The following KIF26B variants were observed in gnomAD, a reference collection of about 807,000 sequenced individuals.
KIF26B encodes kinesin family member 26B.
Under a neutral mutation model 151.2 loss-of-function variants are expected in KIF26B, and 63 were observed. The observed-to-expected ratio is 0.42, with a 90% CI of 0.34 to 0.51. The LOEUF (loss-of-function observed/expected upper bound fraction) is 0.51, where lower values mean the gene tolerates loss of function less well. Ranked by LOEUF, KIF26B falls within the 20% of genes least tolerant of loss-of-function variation. KIF26B has a pLI of 0.07. For synonymous variants in KIF26B, 1,357 were observed against 1,262.1 expected (o/e 1.08, Z -1.59); for missense variants, 2,813 against 2,913.6 (o/e 0.97, Z 0.79).
chr1:245,464,384 T>G (rs901564931), intron 4 of KIF26B, among the ~76,000 whole-genome samples: 12 of 147,970 alleles, frequency 8.1e-5, no homozygotes, highest in African/African-American at 2.8e-4. Context: ...TGTGTGTAGG[T>G]GTGTGTGTGT....
rs191987745 is a variant in KIF26B, at chr1:245,176,268, G to C, written c.465+19585G>C. Among the ~76,000 whole-genome samples, 610 of 150,488 alleles carry C rather than the reference G, an allele frequency of 4.1e-3. 3 individuals carry two copies. The highest frequency in any genetic ancestry group is 0.015 in the African/African-American group (591 of 40,410). Reference sequence around the variant, plus strand: ...CCTGCCTCAGCCTCCCAAAGTGCTGGGATTACAGGCGTGAGCCTTGTAATT... The same window carrying C: ...CCTGCCTCAGCCTCCCAAAGTGCTGCGATTACAGGCGTGAGCCTTGTAATT... On this transcript the variant is annotated intron_variant, in intron 2 of 14. Coordinates refer to ENST00000407071, the MANE Select transcript of KIF26B (RefSeq NM_018012.4).
chr1:245,440,288 G>A (rs998428709), intron 4 of KIF26B, among the ~76,000 whole-genome samples: 2 of 152,070 alleles, frequency 1.3e-5, no homozygotes, highest in South Asian at 2.1e-4. Context: ...CCTGGTGAGC[G>A]GGTAGAGACT....
At chr1:245,552,875 C>T (rs974840124) in intron 5 of KIF26B, among the ~76,000 whole-genome samples, 14 of 152,216 alleles carry the variant, frequency 9.2e-5, no homozygotes, top group Admixed American at 3.3e-4. Flanking sequence ...GTTGGGATTC[C>T]GGGTGTGAGC....
chr1:245,392,910 C>G (rs1673735732), intron 3 of KIF26B, among the ~76,000 whole-genome samples: 1 of 152,038 alleles, frequency 6.6e-6, no homozygotes, highest in African/African-American at 2.4e-5. Flanking sequence ...GTAGCTCATG[C>G]TTGTAATCCC....
intron 4 of KIF26B, among the ~76,000 whole-genome samples, chr1:245,504,723 A>G (rs1660697613): frequency 1.3e-5 from 2 of 151,748 alleles, no homozygotes; most frequent in South Asian, 2.1e-4. Context: ...TACAGGTGTG[A>G]GCCACTGTGC....
At chr1:245,341,612 G>A (rs1672335888) in intron 2 of KIF26B, among the ~76,000 whole-genome samples, 1 of 152,160 alleles carries the variant, frequency 6.6e-6, no homozygotes, top group East Asian at 1.9e-4. Context: ...GTGAGCCACT[G>A]GGCCCAGCAC....
intron 10 of KIF26B, among the ~76,000 whole-genome samples, chr1:245,652,137 T>A (rs57359025): frequency 1.0e-5 from 1 of 95,870 alleles, no homozygotes; most frequent in Admixed American, 1.1e-4. Context: ...TGTGTGTGTG[T>A]GTGTGTGTGA....
intron 3 of KIF26B, among the ~76,000 whole-genome samples, chr1:245,380,405 C>T (rs544101541): frequency 1.7e-4 from 26 of 152,368 alleles, no homozygotes; most frequent in African/African-American, 6.0e-4. Flanking sequence ...CTGAGCCAGC[C>T]TGATGGTTTC....
chr1:245,565,834 G>A (rs373768548), intron 5 of KIF26B, among the ~76,000 whole-genome samples: 7 of 152,262 alleles, frequency 4.6e-5, no homozygotes, highest in Middle Eastern at 6.8e-3. Flanking sequence ...GGTTTAATTG[G>A]CTCATGGTTC....
intron 4 of KIF26B, among the ~76,000 whole-genome samples, chr1:245,477,328 C>T (rs371920415): frequency 1.5e-4 from 19 of 126,558 alleles, no homozygotes; most frequent in African/African-American, 5.2e-4. Flanking sequence ...CACTGTGTGC[C>T]GGGCACTGTC....
intron 9 of KIF26B, among the ~76,000 whole-genome samples, chr1:245,634,408 A>G (rs900415853): frequency 6.6e-6 from 1 of 152,208 alleles, no homozygotes; most frequent in African/African-American, 2.4e-5. Flanking sequence ...CTTGCTCCCA[A>G]TCTTAGAGGG....
At chr1:245,294,313 G>T (rs1671301507) in intron 2 of KIF26B, among the ~76,000 whole-genome samples, 1 of 152,094 alleles carries the variant, frequency 6.6e-6, no homozygotes, top group Non-Finnish European at 1.5e-5. Context: ...TGTTCTCAAG[G>T]CAAGAAGCAA....
chr1:245,380,364 T>C (rs1673377607), intron 3 of KIF26B, among the ~76,000 whole-genome samples: 1 of 152,214 alleles, frequency 6.6e-6, no homozygotes. Flanking sequence ...TTCAAGGCTG[T>C]GGCTGGGAGT....
chr1:245,507,897 A>C (rs1438384924), intron 4 of KIF26B, among the ~76,000 whole-genome samples: 2 of 152,166 alleles, frequency 1.3e-5, no homozygotes, highest in Non-Finnish European at 2.9e-5. Context: ...TCCTATTGGC[A>C]TCTTTCATTT....
chr1:245,470,191 A>G (rs182994008), intron 4 of KIF26B, among the ~76,000 whole-genome samples: 320 of 152,182 alleles, frequency 2.1e-3, no homozygotes, highest in African/African-American at 7.4e-3. Context: ...CTTAGATTCT[A>G]AGGGCAGGGG....
chr1:245,268,925 G>A (rs7536742), intron 2 of KIF26B, among the ~76,000 whole-genome samples: 73,352 of 151,838 alleles, frequency 0.48, 18,076 homozygotes, highest in East Asian at 0.59. Flanking sequence ...TGTGTGTCTG[G>A]TACAGGTGAG....
At chr1:245,670,384 G>A (rs34092713) in intron 10 of KIF26B, among the ~76,000 whole-genome samples, 12,667 of 151,126 alleles carry the variant, frequency 0.084, 985 homozygotes, top group East Asian at 0.39. Flanking sequence ...AGAGATAGTT[G>A]AGAAATAAAG....
intron 5 of KIF26B, among the ~76,000 whole-genome samples, chr1:245,552,122 G>GGTGT (rs55650522): frequency 0.012 from 1,601 of 131,610 alleles, 16 homozygotes; most frequent in East Asian, 0.019. Context: ...GAACCAGCAG[G>GGTGT]GTGTGTGTGT....
intron 2 of KIF26B, among the ~76,000 whole-genome samples, chr1:245,253,959 GC>G (rs1670489167): frequency 6.6e-6 from 1 of 151,668 alleles, no homozygotes; most frequent in African/African-American, 2.4e-5. Flanking sequence ...ACAGGCGCCC[GC>G]CACCACGCCC....
Sources: allele counts gnomAD v4.1 joint callset (sites outside exome capture counted in the v4.1 genomes callset), GRCh38; gene constraint gnomAD v4.1.1; transcripts MANE v1.5; gene names NCBI Gene and HGNC (gene_info 2026-07-23, HGNC 2026-07-21).